NACC2: variants seen among roughly 807,000 people sequenced by gnomAD.
NACC2 encodes the protein nucleus accumbens-associated protein 2.
Under a neutral mutation model 25.1 loss-of-function variants are expected in NACC2, and 8 were observed. The observed-to-expected ratio is 0.32, with a 90% CI of 0.19 to 0.57. The LOEUF (loss-of-function observed/expected upper bound fraction) is 0.57, where lower values mean the gene tolerates loss of function less well. Ranked by LOEUF, NACC2 falls within the 20% of genes least tolerant of loss-of-function variation. NACC2 has a pLI of 0.89. For synonymous variants in NACC2, 435 were observed against 294.7 expected, an observed-to-expected ratio of 1.48 and a Z score of -4.88; for missense variants, 644 against 650.2, an observed-to-expected ratio of 0.99 and a Z score of 0.10.
At position 136,095,233 on chromosome 9, in the gene NACC2, C is replaced by T. The variant is rs1454995136; in HGVS notation, c.-104G>A. 3.4e-5 allele frequency: 5 copies of T among 147,352 alleles called. No homozygotes were observed. Among genetic ancestry groups the T allele is most frequent in the Non-Finnish European group, 7.6e-5 (5 of 66,170 alleles). 9.1% of individuals were successfully genotyped at this position (147,352 alleles called of 1,614,324 possible). On this transcript the variant is annotated 5_prime_UTR_variant, in exon 1 of 6. Coordinates refer to ENST00000277554, the MANE Select transcript of NACC2 (RefSeq NM_144653.5). ...TCCGGCCTGGGCAGCTGCGGCGCGCCGCCCGCGGCAGGAAGTGCTTGGCGT... is the reference window on the plus strand; with the variant it reads ...TCCGGCCTGGGCAGCTGCGGCGCGCTGCCCGCGGCAGGAAGTGCTTGGCGT...
At chr9:136,067,121 G>A (rs1259706993) in intron 1 of NACC2, among the ~76,000 whole-genome samples, 1 of 152,088 alleles carries the variant, frequency 6.6e-6, no homozygotes, top group African/African-American at 2.4e-5. Flanking sequence ...AGGCGTGGTG[G>A]TTCATGCCTG....
chr9:136,042,512 G>A (rs1039919155), intron 2 of NACC2, among the ~76,000 whole-genome samples: 5 of 152,238 alleles, frequency 3.3e-5, no homozygotes, highest in South Asian at 4.2e-4. Flanking sequence ...ATGACTGGAC[G>A]TCCACAGGGG....
intron 2 of NACC2, among the ~76,000 whole-genome samples, chr9:136,027,208 G>C (rs1365247343): frequency 6.6e-6 from 1 of 152,178 alleles, no homozygotes; most frequent in Non-Finnish European, 1.5e-5. Context: ...CTGGACGATG[G>C]AGCAAGACTC....
intron 1 of NACC2, among the ~76,000 whole-genome samples, chr9:136,091,145 G>A (rs1830430489): frequency 6.6e-6 from 1 of 152,184 alleles, no homozygotes; most frequent in Admixed American, 6.5e-5. Context: ...GAGACTCCAT[G>A]GCGGCCTCCT....
chr9:136,013,677 A>G lies in NACC2; in HGVS notation c.1157+187T>C, dbSNP rs1490485974. ...CAAGCCCGTTTGAGAAAGGCCACGA[A>G]AGACAGCCCCTCCCTCCCTCCCTGG... On this transcript the variant is annotated intron_variant, in intron 4 of 5. Coordinates refer to ENST00000277554, the MANE Select transcript of NACC2 (RefSeq NM_144653.5). This position sits in a 1 kb window ranked among gnomAD's most constrained non-coding sequence, Gnocchi z 6.6. 6.6e-6 allele frequency among the ~76,000 whole-genome samples: 1 copy of G among 152,132 alleles called. No homozygotes were observed. Among genetic ancestry groups the G allele is most frequent in the Non-Finnish European group, 1.5e-5 (1 of 68,022 alleles).
chr9:136,074,839 A>G (rs892173924), intron 1 of NACC2, among the ~76,000 whole-genome samples: 11 of 152,082 alleles, frequency 7.2e-5, no homozygotes, highest in African/African-American at 2.7e-4. Flanking sequence ...CTCGGCGTCT[A>G]CACCTCACAC....
At chr9:136,044,006 G>T (rs896327860) in intron 2 of NACC2, among the ~76,000 whole-genome samples, 2 of 152,232 alleles carry the variant, frequency 1.3e-5, no homozygotes, top group Non-Finnish European at 2.9e-5. Flanking sequence ...TGTATTTTCA[G>T]TAGAGAAGGG....
In NACC2 at chr9:136,010,088, A is replaced by G. The variant is rs1447958025; in HGVS notation, c.*1428T>C. 1.3e-5 allele frequency: 2 copies of G among 152,198 alleles called. No individual in the cohort carries two copies. The highest frequency in any genetic ancestry group is 4.8e-5 in the African/African-American group (2 of 41,394). The allele number at this position is 152,198 out of a possible 1,614,324, so 9.4% of individuals were successfully genotyped here. On this transcript the variant is annotated 3_prime_UTR_variant, in exon 6 of 6. Transcript: ENST00000277554. This position sits in a 1 kb window ranked among gnomAD's most constrained non-coding sequence, Gnocchi z 4.9. The stretch of plus-strand genomic sequence containing the variant: ...GGACTTCACACAGTCTGTGAGCCCT[A>G]CCACTTAAAAAACAGTAATTAAATT...
At chr9:136,072,256 A>T (rs4842098) in intron 1 of NACC2, among the ~76,000 whole-genome samples, 146,680 of 151,264 alleles carry the variant, frequency 0.97, 71,231 homozygotes, top group East Asian at 1. Context: ...AAAAAAAAAA[A>T]ACCCAAAGGC....
At position 136,084,356 on chromosome 9, in the gene NACC2, G is replaced by C. The variant is rs750864160; in HGVS notation, c.-60+10833C>G. On this transcript the variant is annotated intron_variant, in intron 1 of 5. Transcript: ENST00000277554. This position sits in a 1 kb window ranked among gnomAD's most constrained non-coding sequence, Gnocchi z 5.1. ...GGCCTTCACCAAAGGCGGGTTGCTG[G>C]AGGGCTGCTTCCGAGACTCATCCAT... Among the ~76,000 whole-genome samples, 4 of 152,130 alleles carry C rather than the reference G, an allele frequency of 2.6e-5. No individual in the cohort carries two copies. Among genetic ancestry groups the C allele is most frequent in the Non-Finnish European group, 5.9e-5 (4 of 68,026 alleles).
chr9:136,091,522 C>T (rs1830433467), intron 1 of NACC2, among the ~76,000 whole-genome samples: 1 of 152,240 alleles, frequency 6.6e-6, no homozygotes, highest in Non-Finnish European at 1.5e-5. Flanking sequence ...CCAGGCTGAT[C>T]CCCTGTGTGG....
At chr9:136,079,137 C>T (rs779805424) in intron 1 of NACC2, among the ~76,000 whole-genome samples, 2 of 152,008 alleles carry the variant, frequency 1.3e-5, no homozygotes, top group African/African-American at 2.4e-5. Context: ...CTGTGCGTCC[C>T]GTCCTTAACA....
At chr9:136,066,607 T>C (rs1439404442) in intron 1 of NACC2, among the ~76,000 whole-genome samples, 4 of 152,182 alleles carry the variant, frequency 2.6e-5, no homozygotes, top group African/African-American at 4.8e-5. Flanking sequence ...ATAGAATTCC[T>C]ACATGACCCA....
Position 136,090,683 on chromosome 9 carries a change from T to C in NACC2, c.-60+4506A>G, listed in dbSNP as rs113156938. On this transcript the variant is annotated intron_variant, in intron 1 of 5. Coordinates refer to ENST00000277554, the MANE Select transcript of NACC2 (RefSeq NM_144653.5). Reference sequence around the variant, plus strand: ...GTCCTCAAGCCTGACTATGGAGGGCTGGGGGGACTTTTATTTTCAATCAAC... The same window carrying C: ...GTCCTCAAGCCTGACTATGGAGGGCCGGGGGGACTTTTATTTTCAATCAAC... Among the ~76,000 whole-genome samples, 1,247 of 152,246 alleles carry C rather than the reference T, an allele frequency of 8.2e-3. 14 individuals carry two copies. Among genetic ancestry groups the C allele is most frequent in the Non-Finnish European group, 0.012 (792 of 67,996 alleles).
In NACC2 at chr9:136,083,683, G is replaced by A. The variant is rs546330451; in HGVS notation, c.-60+11506C>T. Reference sequence around the variant, plus strand: ...CTGGCACCACGCTGCGGAGGCAGGCGGGGGCCCCGAGACACTGTGGCCTGG... The same window carrying A: ...CTGGCACCACGCTGCGGAGGCAGGCAGGGGCCCCGAGACACTGTGGCCTGG... On this transcript the variant is annotated intron_variant, in intron 1 of 5. Transcript: ENST00000277554. Among the ~76,000 whole-genome samples, 842 of 152,350 alleles carry A rather than the reference G, an allele frequency of 5.5e-3. 11 individuals are homozygous for A. The highest frequency in any genetic ancestry group is 0.019 in the African/African-American group (806 of 41,588).
At chr9:136,017,310 C>A (rs575371449) in intron 2 of NACC2, among the ~76,000 whole-genome samples, 123 of 152,316 alleles carry the variant, frequency 8.1e-4, no homozygotes, top group Non-Finnish European at 1.5e-3. Flanking sequence ...CATGGTGCCA[C>A]CCCGAGGTCC....
At chr9:136,052,991 T>C (rs1229629667) in intron 1 of NACC2, among the ~76,000 whole-genome samples, 4 of 152,232 alleles carry the variant, frequency 2.6e-5, no homozygotes, top group Non-Finnish European at 5.9e-5. Context: ...TCCCTGCCAC[T>C]GGCTGTGACC....
intron 2 of NACC2, among the ~76,000 whole-genome samples, chr9:136,028,883 G>C (rs535841362): frequency 6.6e-6 from 1 of 152,342 alleles, no homozygotes; most frequent in African/African-American, 2.4e-5. Context: ...CCAGGTGTAT[G>C]TGCGCTCAGG....
intron 1 of NACC2, among the ~76,000 whole-genome samples, chr9:136,094,391 G>C (rs1588588610): frequency 6.6e-6 from 1 of 152,202 alleles, no homozygotes. Context: ...GCTGGGAGGT[G>C]ACCTCTGACC....
Sources: gnomAD v4.1 joint callset for allele counts (sites outside exome capture counted in the v4.1 genomes callset) on GRCh38, gnomAD v4.1.1 for gene constraint, Gnocchi (gnomAD v3.1) non-coding constraint, MANE v1.5 for transcripts, NCBI Gene and HGNC (gene_info 2026-07-23, HGNC 2026-07-21) for gene names.